GPC3: variants seen among roughly 807,000 people sequenced by gnomAD.
GPC3 encodes glypican-3.
Under a neutral mutation model 34.4 loss-of-function variants are expected in GPC3, and 3 were observed. The observed-to-expected ratio is 0.09, with a 90% CI of 0.04 to 0.23. The LOEUF (loss-of-function observed/expected upper bound fraction) is 0.23. Among genes scored for constraint, GPC3 ranks in the 10% least tolerant of loss-of-function variants. The probability of loss-of-function intolerance (pLI) is 1.00; values close to 1 mark genes in which losing one functional copy is unlikely to be tolerated. For synonymous variants in GPC3, 177 were observed against 174.0 expected (o/e 1.02, Z -0.13); for missense variants, 351 against 445.6 (o/e 0.79, Z 1.91).
intron 1 of GPC3, among the ~76,000 whole-genome samples, chrX:133,979,536 A>C (rs1012464605): frequency 8.9e-5 from 10 of 112,038 alleles, no homozygotes; most frequent in African/African-American, 3.2e-4. Flanking sequence ...ATTCAACAAG[A>C]TATTCAAGTA....
intron 2 of GPC3, among the ~76,000 whole-genome samples, chrX:133,775,273 A>G (rs1345408408): frequency 9.0e-6 from 1 of 110,984 alleles, no homozygotes; most frequent in East Asian, 2.8e-4. Context: ...TAGACAACAA[A>G]TATGCGACTC....
intron 2 of GPC3, among the ~76,000 whole-genome samples, chrX:133,900,746 C>G (rs748444666): frequency 9.0e-6 from 1 of 110,741 alleles, no homozygotes; most frequent in Non-Finnish European, 1.9e-5. Flanking sequence ...TATCCTTCTC[C>G]TCAGTTACAG....
At chrX:133,739,113 T>C (rs916968533) in intron 3 of GPC3, among the ~76,000 whole-genome samples, 81 of 111,397 alleles carry the variant, frequency 7.3e-4, no homozygotes, top group African/African-American at 2.6e-3. Context: ...ACCCACAGTA[T>C]ATATAGGGTT....
At chrX:133,873,442 T>C (rs943011784) in intron 2 of GPC3, among the ~76,000 whole-genome samples, 1 of 111,753 alleles carries the variant, frequency 8.9e-6, no homozygotes, top group Non-Finnish European at 1.9e-5. Context: ...ATGTAAATAA[T>C]CCACAAATTA....
Position 133,699,919 on chromosome X carries a change from T to C in GPC3, c.1142A>G (p.Glu381Gly), listed in dbSNP as rs2071151587. Reference protein sequence around the residue: ...KVLKVAHVEHEETLSSRRREL... With the variant: ...KVLKVAHVEHGETLSSRRREL... ...CCTTCTTCGGCTGGATAAGGTTTCT[T>C]CATGTTCTACATGAGCAACTTTTAA... The change falls in exon 4 of 8, where the codon GAA (glutamate) becomes GGA (glycine). Residue 381 changes from glutamate (E) to glycine (G), a missense_variant. Glu to Gly is a moderately conservative substitution (Grantham distance 98). Coordinates refer to ENST00000370818, the MANE Select transcript of GPC3 (RefSeq NM_004484.4). 1.7e-6 allele frequency: 2 copies of C among 1,203,837 alleles called. No individual in the cohort carries two copies. Among genetic ancestry groups the C allele is most frequent in the Admixed American group, 2.2e-5 (1 of 45,652 alleles).
chrX:133,627,417 C>CA (rs1237837493), intron 6 of GPC3, among the ~76,000 whole-genome samples: 2 of 111,454 alleles, frequency 1.8e-5, no homozygotes, highest in Non-Finnish European at 3.8e-5. Flanking sequence ...TTATAGTTTC[C>CA]TGGGGGAGTA....
At chrX:133,714,392 AAATG>A (rs1451878667) in intron 3 of GPC3, among the ~76,000 whole-genome samples, 1 of 111,793 alleles carries the variant, frequency 8.9e-6, no homozygotes, top group Non-Finnish European at 1.9e-5. Flanking sequence ...TATTAACTTT[AAATG>A]AATTAGTAAG....
In GPC3 at chrX:133,841,215, A is replaced by ATTTTT. The variant is rs769696321; in HGVS notation, c.338-87044_338-87040dup. 4.6e-4 allele frequency among the ~76,000 whole-genome samples: 18 copies of ATTTTT among 39,248 alleles called. 1 individual carries two copies. The highest frequency in any genetic ancestry group is 2.9e-3 in the East Asian group (4 of 1,400). The allele number at this position is 39,248 out of a possible 115,157, so 34.1% of individuals were successfully genotyped here. A position where few individuals can be genotyped will look rare whatever the true frequency, so the allele number is the denominator to read the frequency against. On this transcript the variant is annotated intron_variant, in intron 2 of 7. Transcript: ENST00000370818. ...ACCACCATGCCTGGCTAATCTTTTA[A>ATTTTT]TTTTTTTTTTTTTTTTTTTTTTTGG...
At chrX:133,597,238 G>A (rs749859129) in intron 6 of GPC3, among the ~76,000 whole-genome samples, 2 of 111,363 alleles carry the variant, frequency 1.8e-5, no homozygotes, top group African/African-American at 6.5e-5. Flanking sequence ...TTCACTCTGC[G>A]GTGTCTGGCT....
At chrX:133,821,044 A>G (rs1360023841) in intron 2 of GPC3, among the ~76,000 whole-genome samples, 3 of 112,275 alleles carry the variant, frequency 2.7e-5, no homozygotes, top group Non-Finnish European at 5.6e-5. Context: ...CCGAAAAGCC[A>G]AAGGATGAAA....
At chrX:133,537,270 A>G (rs1198746050) in intron 7 of GPC3, among the ~76,000 whole-genome samples, 1 of 111,831 alleles carries the variant, frequency 8.9e-6, no homozygotes, top group Non-Finnish European at 1.9e-5. Context: ...TGCTATTTCA[A>G]TATCTTGTGA....
chrX:133,824,205 A>C (rs955343423), intron 2 of GPC3, among the ~76,000 whole-genome samples: 2 of 112,010 alleles, frequency 1.8e-5, no homozygotes, highest in Non-Finnish European at 1.9e-5. Context: ...AAAATGATAG[A>C]TATAGATCCA....
intron 6 of GPC3, among the ~76,000 whole-genome samples, chrX:133,603,216 T>C (rs1011065790): frequency 8.2e-5 from 9 of 110,142 alleles, no homozygotes; most frequent in Non-Finnish European, 1.7e-4. Flanking sequence ...GAATCTGGGA[T>C]GGGGCACACA....
At chrX:133,759,089 G>A (rs2071759607) in intron 2 of GPC3, among the ~76,000 whole-genome samples, 1 of 111,164 alleles carries the variant, frequency 9.0e-6, no homozygotes, top group Non-Finnish European at 1.9e-5. Flanking sequence ...TACAGATTGG[G>A]AAAACTACAA....
chrX:133,874,708 TC>T (rs1233648464), intron 2 of GPC3, among the ~76,000 whole-genome samples: 1 of 112,034 alleles, frequency 8.9e-6, no homozygotes, highest in African/African-American at 3.2e-5. Flanking sequence ...ATGTATGACT[TC>T]ATTATTTAGT....
chrX:133,829,872 A>G (rs915851663), intron 2 of GPC3, among the ~76,000 whole-genome samples: 1 of 111,890 alleles, frequency 8.9e-6, no homozygotes, highest in Non-Finnish European at 1.9e-5. Flanking sequence ...CTAAATGTGT[A>G]TGCACCTAAT....
At chrX:133,906,601 C>A (rs1016891289) in intron 2 of GPC3, among the ~76,000 whole-genome samples, 2 of 111,451 alleles carry the variant, frequency 1.8e-5, no homozygotes, top group African/African-American at 6.5e-5. Context: ...TTTCCAGATT[C>A]TTCCAGTATA....
intron 2 of GPC3, among the ~76,000 whole-genome samples, chrX:133,837,065 T>C (rs1427496202): frequency 8.9e-6 from 1 of 111,961 alleles, no homozygotes; most frequent in East Asian, 2.8e-4. Context: ...ATAAATATAA[T>C]GTCACTCTCT....
At chrX:133,905,748 T>C (rs1314467295) in intron 2 of GPC3, among the ~76,000 whole-genome samples, 1 of 111,123 alleles carries the variant, frequency 9.0e-6, no homozygotes, top group Non-Finnish European at 1.9e-5. Context: ...TTCTGAAGAA[T>C]GGTTTGCTTC....
Sources: allele counts gnomAD v4.1 joint callset (sites outside exome capture counted in the v4.1 genomes callset), GRCh38; gene constraint gnomAD v4.1.1; transcripts MANE v1.5; gene names NCBI Gene and HGNC (gene_info 2026-07-23, HGNC 2026-07-21).